Variants in PDE7B observed in about 807,000 individuals in gnomAD.
The protein encoded by PDE7B is 3',5'-cyclic-AMP phosphodiesterase 7B.
Under a neutral mutation model 56.2 loss-of-function variants are expected in PDE7B, and 29 were observed. The observed-to-expected ratio is 0.52, with a 90% CI of 0.38 to 0.70. The LOEUF is 0.70. PDE7B is among the 30% of genes least tolerant of loss of function. The probability of loss-of-function intolerance (pLI) is 0.00; values close to 1 mark genes in which losing one functional copy is unlikely to be tolerated. For missense variants in PDE7B, 490 were observed against 565.0 expected, an observed-to-expected ratio of 0.87 and a Z score of 1.35; for synonymous variants, 197 against 196.9, an observed-to-expected ratio of 1.00 and a Z score of 0.00.
intron 1 of PDE7B, among the ~76,000 whole-genome samples, chr6:135,921,358 G>A (rs1233255490): frequency 6.6e-6 from 1 of 152,116 alleles, no homozygotes; most frequent in Non-Finnish European, 1.5e-5. Flanking sequence ...CAATAACGAT[G>A]AAAGAACCCA....
At chr6:135,963,511 T>C (rs1388525431) in intron 2 of PDE7B, among the ~76,000 whole-genome samples, 1 of 152,160 alleles carries the variant, frequency 6.6e-6, no homozygotes, top group African/African-American at 2.4e-5. Context: ...GAACTACAAA[T>C]ACAGTGTGAT....
chr6:135,972,575 C>G (rs1029055960), intron 2 of PDE7B, among the ~76,000 whole-genome samples: 1 of 152,186 alleles, frequency 6.6e-6, no homozygotes, highest in Non-Finnish European at 1.5e-5. Context: ...CTGCACACAT[C>G]ACACTGTGGT....
chr6:135,908,706 A>G (rs1408233286), intron 1 of PDE7B, among the ~76,000 whole-genome samples: 1 of 152,222 alleles, frequency 6.6e-6, no homozygotes, highest in African/African-American at 2.4e-5. Context: ...TCTAAGTTTG[A>G]AAGAAGGAAG....
At chr6:135,856,954 C>T (rs1377681705) in intron 1 of PDE7B, among the ~76,000 whole-genome samples, 3 of 151,644 alleles carry the variant, frequency 2.0e-5, no homozygotes, top group African/African-American at 7.3e-5. Flanking sequence ...TCCTTTCTGC[C>T]CTTCCTCCCT....
At chr6:135,976,923 G>A (rs1309906778) in intron 2 of PDE7B, among the ~76,000 whole-genome samples, 5 of 152,076 alleles carry the variant, frequency 3.3e-5, no homozygotes, top group African/African-American at 1.2e-4. Flanking sequence ...CAGAGAATGG[G>A]CATTGATGTC....
chr6:136,182,536 G>C (rs1404820986), intron 11 of PDE7B, among the ~76,000 whole-genome samples: 2 of 152,190 alleles, frequency 1.3e-5, no homozygotes, highest in Non-Finnish European at 2.9e-5. Flanking sequence ...TGAAACAGAG[G>C]AAAGAGTCTA....
intron 2 of PDE7B, among the ~76,000 whole-genome samples, chr6:136,051,923 AC>A (rs1776637193): frequency 6.6e-6 from 1 of 152,154 alleles, no homozygotes. Flanking sequence ...TAACTTCAGA[AC>A]CAGGACCATG....
At chr6:135,869,145 A>G (rs1775323550) in intron 1 of PDE7B, among the ~76,000 whole-genome samples, 1 of 152,170 alleles carries the variant, frequency 6.6e-6, no homozygotes, top group African/African-American at 2.4e-5. Flanking sequence ...AATTAATAGA[A>G]TCTAAAATTA....
intron 2 of PDE7B, among the ~76,000 whole-genome samples, chr6:135,987,671 C>T (rs1250931466): frequency 6.6e-6 from 1 of 152,106 alleles, no homozygotes; most frequent in East Asian, 1.9e-4. Flanking sequence ...GCAGGAAGTA[C>T]TCCCACTTCT....
intron 11 of PDE7B, among the ~76,000 whole-genome samples, chr6:136,182,045 T>C (rs12661451): frequency 0.011 from 1,691 of 152,296 alleles, 48 homozygotes; most frequent in East Asian, 0.11. Flanking sequence ...AGTGCCCTCA[T>C]GCTAGTGACA....
intron 10 of PDE7B, 76 bp from the exon 11 acceptor site, chr6:136,181,151 G>T: frequency 4.1e-6 from 4 of 972,472 alleles, no homozygotes; most frequent in Non-Finnish European, 6.7e-6. Flanking sequence ...CAGCTTGATA[G>T]CCTCTTTGGC....
intron 8 of PDE7B, among the ~76,000 whole-genome samples, chr6:136,164,337 A>G (rs1037450488): frequency 1.2e-4 from 18 of 152,172 alleles, no homozygotes; most frequent in Admixed American, 1.2e-3. Context: ...GACCACCACC[A>G]TGATTCAATT....
intron 2 of PDE7B, among the ~76,000 whole-genome samples, chr6:136,026,997 G>T (rs1776164070): frequency 6.6e-6 from 1 of 152,166 alleles, no homozygotes; most frequent in Non-Finnish European, 1.5e-5. Flanking sequence ...CTTCGTAATT[G>T]GATTAGCACC....
intron 1 of PDE7B, among the ~76,000 whole-genome samples, chr6:135,891,913 T>C (rs1046859656): frequency 6.6e-5 from 10 of 152,072 alleles, no homozygotes; most frequent in African/African-American, 2.4e-4. Context: ...ATTATCATAA[T>C]TACTCCTGCC....
At chr6:135,932,528 G>A (rs1436361892) in intron 1 of PDE7B, among the ~76,000 whole-genome samples, 2 of 152,150 alleles carry the variant, frequency 1.3e-5, no homozygotes, top group East Asian at 3.8e-4. Flanking sequence ...ATATGGAGAA[G>A]GGGAGGCAAA....
At chr6:135,938,349 G>A (rs562372171) in intron 1 of PDE7B, among the ~76,000 whole-genome samples, 2 of 152,188 alleles carry the variant, frequency 1.3e-5, no homozygotes, top group Non-Finnish European at 2.9e-5. Flanking sequence ...GAGACAATAA[G>A]TAAAAGATGA....
intron 2 of PDE7B, among the ~76,000 whole-genome samples, chr6:136,024,553 T>C (rs540480135): frequency 2.7e-4 from 41 of 152,256 alleles, no homozygotes; most frequent in African/African-American, 9.6e-4. Flanking sequence ...CACCTAAGAC[T>C]GAAGGGGTTA....
chr6:135,973,572 C>A (rs1180147760), intron 2 of PDE7B, among the ~76,000 whole-genome samples: 1 of 152,136 alleles, frequency 6.6e-6, no homozygotes, highest in African/African-American at 2.4e-5. Flanking sequence ...AGCACCTCAC[C>A]ATTGTGCCTT....
intron 1 of PDE7B, among the ~76,000 whole-genome samples, chr6:135,912,840 G>C (rs1776235687): frequency 6.6e-6 from 1 of 152,094 alleles, no homozygotes; most frequent in Non-Finnish European, 1.5e-5. Flanking sequence ...CCATTTTACA[G>C]ATAAAGAATG....
Sources: gnomAD v4.1 joint callset for allele counts (sites outside exome capture counted in the v4.1 genomes callset) on GRCh38, gnomAD v4.1.1 for gene constraint, MANE v1.5 for transcripts, NCBI Gene and HGNC (gene_info 2026-07-23, HGNC 2026-07-21) for gene names.